PRDM2: variants seen among roughly 807,000 people sequenced by gnomAD.
PRDM2 encodes PR/SET domain 2.
In PRDM2, 30 loss-of-function variants were observed where a neutral mutation model predicts 130.0. The ratio of observed to expected loss-of-function variants is 0.23; its 90% CI spans 0.17 to 0.31. PRDM2 has a LOEUF of 0.31. Among genes scored for constraint, PRDM2 ranks in the 10% least tolerant of loss-of-function variants. The pLI is 1.00. For synonymous variants in PRDM2, 871 were observed against 782.4 expected (o/e 1.11, Z -1.89); for missense variants, 2,011 against 2,108.4 (o/e 0.95, Z 0.90).
At chr1:13,773,263 A>G (rs1644397682) in intron 7 of PRDM2, 75 bp downstream of exon 7, 3 of 884,696 alleles carry the variant, frequency 3.4e-6, no homozygotes, top group Admixed American at 3.8e-5. Flanking sequence ...ATCTCTTTAT[A>G]TTGTCCTTCT....
At chr1:13,808,252 G>A (rs957653786) in intron 8 of PRDM2, among the ~76,000 whole-genome samples, 1 of 152,140 alleles carries the variant, frequency 6.6e-6, no homozygotes, top group Non-Finnish European at 1.5e-5. Flanking sequence ...CACACTTTGG[G>A]AGGCCGAGGC....
intron 2 of PRDM2, among the ~76,000 whole-genome samples, chr1:13,730,313 A>T (rs1643061752): frequency 6.6e-6 from 1 of 152,244 alleles, no homozygotes; most frequent in Non-Finnish European, 1.5e-5. Context: ...TAAGATTATG[A>T]TGAATTCCAG....
chr1:13,740,942 C>T (rs995553316), intron 4 of PRDM2, among the ~76,000 whole-genome samples: 1 of 151,976 alleles, frequency 6.6e-6, no homozygotes, highest in African/African-American at 2.4e-5. Context: ...AATGTGGGTA[C>T]GGGAGGGAAG....
chr1:13,732,628 C>G (rs1047035353), intron 3 of PRDM2, 151 bp from the exon 4 acceptor site: 7 of 549,602 alleles, frequency 1.3e-5, no homozygotes, highest in African/African-American at 2.0e-5. Context: ...GAGGACTTGA[C>G]TTAATTTAAC....
At chr1:13,816,642 T>A in intron 9 of PRDM2, 72 bp downstream of exon 9, 1 of 1,541,656 alleles carries the variant, frequency 6.5e-7, no homozygotes, top group Non-Finnish European at 8.8e-7. Flanking sequence ...GGGTCTTGGG[T>A]GGGGAGGGAA....
chr1:13,741,182 T>G (rs1643426426), intron 4 of PRDM2, among the ~76,000 whole-genome samples: 1 of 152,168 alleles, frequency 6.6e-6, no homozygotes, highest in South Asian at 2.1e-4. Flanking sequence ...AGTTGCCAAA[T>G]AGATGTTCTT....
At chr1:13,749,229 C>T in intron 5 of PRDM2, 132 bp from the exon 6 acceptor site, 1 of 870,998 alleles carries the variant, frequency 1.1e-6, no homozygotes, top group Non-Finnish European at 1.4e-6. Context: ...TTCCTGCCGG[C>T]CGGGTGCGCG....
chr1:13,724,286 T>C (rs553782001), intron 2 of PRDM2, among the ~76,000 whole-genome samples: 9 of 152,352 alleles, frequency 5.9e-5, no homozygotes, highest in Non-Finnish European at 1.0e-4. Context: ...CTGAAGCCAT[T>C]GCAACTTATC....
At chr1:13,814,051 G>A (rs1645217937) in intron 8 of PRDM2, among the ~76,000 whole-genome samples, 1 of 152,202 alleles carries the variant, frequency 6.6e-6, no homozygotes, top group Non-Finnish European at 1.5e-5. Flanking sequence ...ATTTCCCTGG[G>A]AAGGGGGACA....
At chr1:13,787,457 T>A in intron 8 of PRDM2, 1 of 985,386 alleles carries the variant, frequency 1.0e-6, no homozygotes. Context: ...GGCTAGGTTT[T>A]ATTCATACTG....
chr1:13,811,099 G>A (rs1049595150), intron 8 of PRDM2, among the ~76,000 whole-genome samples: 2 of 151,918 alleles, frequency 1.3e-5, no homozygotes, highest in African/African-American at 4.8e-5. Flanking sequence ...CGGGAGAATC[G>A]CTTGAACCTG....
Position 13,823,260 on chromosome 1 carries a change from AGTGCATGTGCGCGC to A in PRDM2, c.*135_*148del. 3.9e-6 allele frequency: 6 copies of A among 1,521,876 alleles called. No individual in the cohort carries two copies. The highest frequency in any genetic ancestry group is 3.6e-6 in the Non-Finnish European group (4 of 1,100,126). The allele number at this position is 1,521,876 out of a possible 1,614,324, so 94.3% of individuals were successfully genotyped here. ...TTGTGTGAGGCTGCGAGAGAAAGGGAGTGCATGTGCGCGCGTGCATGTGTGCGTGCGTGTGTGTT... is the reference window on the plus strand; with the variant it reads ...TTGTGTGAGGCTGCGAGAGAAAGGGAGTGCATGTGTGCGTGCGTGTGTGTT... On this transcript the variant is annotated 3_prime_UTR_variant, in exon 10 of 10. Transcript: ENST00000311066.
rs1645083873 is a variant in PRDM2 at position 13,806,205 on chromosome 1, C to A, written c.5037-10222C>A. On this transcript the variant is annotated intron_variant, in intron 8 of 9. Transcript: ENST00000311066. The surrounding 1 kb of genome is among the most constrained non-coding windows in gnomAD (Gnocchi z 4.1). ...CACCTGGACACCGCCCTCTCCCAGT[C>A]TCTGCACATTACCAGCTGCTCCCCC... Among the ~76,000 whole-genome samples the A allele has an allele frequency of 6.6e-6, 1 of 151,966 alleles. No individual in the cohort carries two copies. The highest frequency in any genetic ancestry group is 1.5e-5 in the Non-Finnish European group (1 of 68,012).
chr1:13,790,447 G>A (rs1644821332), intron 8 of PRDM2, among the ~76,000 whole-genome samples: 1 of 152,136 alleles, frequency 6.6e-6, no homozygotes, highest in African/African-American at 2.4e-5. Context: ...TGGGCCTTGA[G>A]GGTGAAGGAA....
At chr1:13,713,288 A>G (rs913589148) in intron 1 of PRDM2, among the ~76,000 whole-genome samples, 20 of 152,246 alleles carry the variant, frequency 1.3e-4, no homozygotes, top group African/African-American at 4.8e-4. Flanking sequence ...GCTCAAGGGC[A>G]GTGCTTGACA....
intron 4 of PRDM2, among the ~76,000 whole-genome samples, chr1:13,738,346 CT>C (rs1643334142): frequency 1.3e-5 from 2 of 152,156 alleles, no homozygotes; most frequent in African/African-American, 4.8e-5. Flanking sequence ...ATATGGGATT[CT>C]TAAACATCTG....
Position 13,771,042 on chromosome 1 carries a change from T to A in PRDM2, c.512-2036T>A, listed in dbSNP as rs1644349580. ...TATGTCATAAGCATAAGAAAACTGA[T>A]GGAAAGGAGGTAGAATCCAAATTCC... On this transcript the variant is annotated intron_variant, in intron 6 of 9. Transcript: ENST00000311066. This position sits in a 1 kb window ranked among gnomAD's most constrained non-coding sequence, Gnocchi z 4.1. 6.6e-6 allele frequency among the ~76,000 whole-genome samples: 1 copy of A among 151,888 alleles called. No individual in the cohort carries two copies.
intron 6 of PRDM2, among the ~76,000 whole-genome samples, chr1:13,754,549 A>G (rs1165066969): frequency 6.6e-6 from 1 of 152,238 alleles, no homozygotes; most frequent in African/African-American, 2.4e-5. Context: ...GCAGTTGACA[A>G]CAACAGAAGT....
intron 6 of PRDM2, among the ~76,000 whole-genome samples, chr1:13,752,242 T>C (rs568596430): frequency 4.6e-5 from 7 of 152,336 alleles, no homozygotes; most frequent in Middle Eastern, 3.4e-3. Flanking sequence ...ACAGTTCATA[T>C]TGTCTGCGAC....
Sources: allele counts gnomAD v4.1 joint callset (sites outside exome capture counted in the v4.1 genomes callset), GRCh38; gene constraint gnomAD v4.1.1; non-coding constraint Gnocchi (gnomAD v3.1); transcripts MANE v1.5; gene names NCBI Gene and HGNC (gene_info 2026-07-23, HGNC 2026-07-21).